PROM1: variants seen among roughly 807,000 people sequenced by gnomAD.
The protein encoded by PROM1 is prominin 1, also known as prominin-1.
Under a neutral mutation model 116.9 loss-of-function variants are expected in PROM1, and 105 were observed. The ratio of observed to expected loss-of-function variants is 0.90; its 90% CI spans 0.77 to 1.06. The LOEUF (loss-of-function observed/expected upper bound fraction) is 1.06, where lower values mean the gene tolerates loss of function less well. Ranked by LOEUF, PROM1 falls within the 50% of genes least tolerant of loss-of-function variation. The probability of loss-of-function intolerance (pLI) is 0.00; values close to 1 mark genes in which losing one functional copy is unlikely to be tolerated. For synonymous variants in PROM1, 393 were observed against 387.0 expected, an observed-to-expected ratio of 1.02 and a Z score of -0.18; for missense variants, 1,122 against 1,045.2, an observed-to-expected ratio of 1.07 and a Z score of -1.01.
rs541345358 is a variant in PROM1 at position 16,050,814 on chromosome 4, G to T, written c.221-11813C>A. Among the ~76,000 whole-genome samples the T allele has an allele frequency of 5.9e-5, 9 of 152,264 alleles. No homozygotes were observed. The South Asian group carries it at 1.9e-3, about 32-fold the overall frequency. On this transcript the variant is annotated intron_variant, in intron 2 of 27. Transcript: ENST00000447510. ...TTCCATATACACATTTTCCATGAAC[G>T]TTTTGAAATCCCTTCATATATTTAA...
intron 4 of PROM1, among the ~76,000 whole-genome samples, chr4:16,034,880 A>G (rs1269915632): frequency 6.6e-6 from 1 of 152,218 alleles, no homozygotes; most frequent in Non-Finnish European, 1.5e-5. Flanking sequence ...CATTAACTTC[A>G]TAAACATATT....
At chr4:16,070,261 T>C (rs1359113881) in intron 2 of PROM1, among the ~76,000 whole-genome samples, 1 of 152,172 alleles carries the variant, frequency 6.6e-6, no homozygotes, top group Non-Finnish European at 1.5e-5. Context: ...CGGACTTATT[T>C]CATCTCAAAT....
intron 5 of PROM1, among the ~76,000 whole-genome samples, chr4:16,026,168 G>GA (rs1731220307): frequency 6.6e-6 from 1 of 152,150 alleles, no homozygotes; most frequent in African/African-American, 2.4e-5. Flanking sequence ...TTCTCTATGT[G>GA]AAAAAACCAA....
intron 1 of PROM1, chr4:16,079,553 A>G (rs1744607735): frequency 6.6e-6 from 1 of 152,198 alleles, no homozygotes; most frequent in South Asian, 2.1e-4. Context: ...AGAAGCTCTG[A>G]GTATTTACCA....
At chr4:15,997,632 G>A (rs925720450) in intron 15 of PROM1, among the ~76,000 whole-genome samples, 1 of 151,836 alleles carries the variant, frequency 6.6e-6, no homozygotes, top group Non-Finnish European at 1.5e-5. Flanking sequence ...GCTCATTTTT[G>A]TATTTCATTT....
At chr4:16,081,697 T>C (rs540577860) in intron 1 of PROM1, among the ~76,000 whole-genome samples, 2 of 152,212 alleles carry the variant, frequency 1.3e-5, no homozygotes, top group African/African-American at 2.4e-5. Flanking sequence ...AATAGCTCTT[T>C]GCTCCCTGAA....
At chr4:16,069,154 G>C (rs1006962645) in intron 2 of PROM1, among the ~76,000 whole-genome samples, 2 of 152,208 alleles carry the variant, frequency 1.3e-5, no homozygotes, top group Admixed American at 1.3e-4. Context: ...AGAATCACTT[G>C]AACCCGGGAG....
chr4:15,979,989 T>G, intron 24 of PROM1, 85 bp from the exon 25 acceptor site: 1 of 814,438 alleles, frequency 1.2e-6, no homozygotes. Context: ...ATATTTACTC[T>G]AACACGGATA....
intron 1 of PROM1, among the ~76,000 whole-genome samples, chr4:16,077,006 G>A (rs1362485426): frequency 6.6e-6 from 1 of 152,226 alleles, no homozygotes; most frequent in Non-Finnish European, 1.5e-5. Context: ...ATTGTCCAAG[G>A]TTTCTCCCCA....
chr4:16,074,775 C>T (rs984018968), intron 2 of PROM1, among the ~76,000 whole-genome samples: 61 of 152,280 alleles, frequency 4.0e-4, no homozygotes, highest in African/African-American at 1.4e-3. Context: ...TAAATACATC[C>T]TGTCTCTCTT....
intron 20 of PROM1, among the ~76,000 whole-genome samples, chr4:15,986,258 T>C (rs1363615599): frequency 1.3e-5 from 2 of 152,088 alleles, no homozygotes; most frequent in African/African-American, 4.8e-5. Context: ...TAGTCCTTGA[T>C]AGGAATGGCC....
chr4:16,035,072 G>C (rs1733661062), intron 4 of PROM1, among the ~76,000 whole-genome samples: 3 of 152,072 alleles, frequency 2.0e-5, no homozygotes, highest in Admixed American at 2.0e-4. Flanking sequence ...TTAAAAAAAA[G>C]AGTGGCTGAA....
At position 16,023,354 on chromosome 4, in the gene PROM1, A is replaced by T. The variant is rs2149331758; in HGVS notation, c.756T>A (p.Val252=). ...LDRLRPNIIP[V]LDEIKSMATA... is the part of the protein sequence containing the mutation. The stretch of plus-strand genomic sequence containing the variant: ...TTGCCATGGACTTAATCTCATCAAG[A>T]ACAGGGATGATGTTGGGTCTCAGTC... Residue 252 remains valine (V), a synonymous_variant, in exon 8 of 28, where the codon GTT becomes GTA. Transcript: ENST00000447510. 6.2e-7 allele frequency: 1 copy of T among 1,607,190 alleles called. No homozygotes were observed. The highest frequency in any genetic ancestry group is 8.5e-7 in the Non-Finnish European group (1 of 1,176,424).
At chr4:16,068,033 G>T (rs1741931877) in intron 2 of PROM1, among the ~76,000 whole-genome samples, 1 of 152,194 alleles carries the variant, frequency 6.6e-6, no homozygotes, top group Non-Finnish European at 1.5e-5. Context: ...GACTGCAGGG[G>T]TGCAGGAAGC....
At chr4:16,076,815 T>G (rs1744049179) in intron 1 of PROM1, among the ~76,000 whole-genome samples, 1 of 152,244 alleles carries the variant, frequency 6.6e-6, no homozygotes, top group African/African-American at 2.4e-5. Context: ...CTGAAACATG[T>G]GCTGTGTCCA....
Position 16,040,118 on chromosome 4 carries a change from C to T in PROM1, c.221-1117G>A, listed in dbSNP as rs758464056. On this transcript the variant is annotated intron_variant, in intron 2 of 27. Transcript: ENST00000447510. ...TGAAATGTACTAATGGGGGGGCAAA[C>T]GAAACACTACATCAACTCCTTTTTT... Among the ~76,000 whole-genome samples the T allele has an allele frequency of 3.3e-5, 5 of 152,118 alleles. No individual in the cohort carries two copies. The South Asian group carries it at 8.3e-4, about 25-fold the overall frequency.
chr4:15,991,749 A>G (rs935508017), intron 17 of PROM1, among the ~76,000 whole-genome samples: 1 of 151,898 alleles, frequency 6.6e-6, no homozygotes, highest in Non-Finnish European at 1.5e-5. Flanking sequence ...CCTGGCAAAC[A>G]TGGTGAAACC....
At chr4:16,051,780 G>A (rs16892891) in intron 2 of PROM1, among the ~76,000 whole-genome samples, 8 of 152,158 alleles carry the variant, frequency 5.3e-5, no homozygotes, top group African/African-American at 1.9e-4. Context: ...TTCTGACCCT[G>A]GTTTAATGAG....
chr4:16,041,851 C>A (rs996013240), intron 2 of PROM1, among the ~76,000 whole-genome samples: 15 of 150,640 alleles, frequency 1.0e-4, no homozygotes, highest in African/African-American at 3.6e-4. Context: ...CTTAGATATA[C>A]CCAATCTCAG....
Sources: gnomAD v4.1 joint callset for allele counts (sites outside exome capture counted in the v4.1 genomes callset) on GRCh38, gnomAD v4.1.1 for gene constraint, MANE v1.5 for transcripts, NCBI Gene and HGNC (gene_info 2026-07-23, HGNC 2026-07-21) for gene names.